Variants in BCOR observed in about 807,000 individuals in gnomAD.
The protein encoded by BCOR is BCL6 corepressor.
A neutral mutation model predicts 86.7 loss-of-function variants in BCOR; 10 were observed. The observed-to-expected ratio is 0.12, with a 90% CI of 0.07 to 0.20. BCOR has a LOEUF of 0.20. Among genes scored for constraint, BCOR ranks in the 10% least tolerant of loss-of-function variants. BCOR has a pLI of 1.00. For missense variants in BCOR, 1,259 were observed against 1,452.1 expected, an observed-to-expected ratio of 0.87 and a Z score of 2.16; for synonymous variants, 611 against 609.0, an observed-to-expected ratio of 1.00 and a Z score of -0.05.
intron 1 of BCOR, among the ~76,000 whole-genome samples, chrX:40,078,608 G>A (rs1935927894): frequency 2.7e-5 from 3 of 112,369 alleles, no homozygotes. Context: ...CAGCTAACCC[G>A]GGTGGTTTTG....
intron 1 of BCOR, among the ~76,000 whole-genome samples, chrX:40,106,973 G>T (rs748918524): frequency 4.5e-4 from 50 of 110,958 alleles, no homozygotes; most frequent in Non-Finnish European, 8.1e-4. Flanking sequence ...CAGGGGTGAA[G>T]AACTCAGAGT....
Position 40,073,458 on chromosome X carries a change from C to G in BCOR, c.1888G>C (p.Glu630Gln), listed in dbSNP as rs1478213270. Residue 630 changes from glutamate to glutamine, a missense_variant, in exon 4 of 15, where the codon GAG (glutamate) becomes CAG (glutamine). Around this residue, in one of 7 missense-constraint regions of BCOR, gnomAD observed 534 missense variants for 594.8 expected, o/e 0.90. Coordinates refer to ENST00000378444, the MANE Select transcript of BCOR (RefSeq NM_001123385.2). ...ATAGAGCTTGGTGGAAGGCCGTTCTCGTTTGCTTTGAAACTCGGTTCTGGG... is the reference window on the plus strand; with the variant it reads ...ATAGAGCTTGGTGGAAGGCCGTTCTGGTTTGCTTTGAAACTCGGTTCTGGG... Reference protein sequence around the residue: ...SNPEPSFKANENGLPPSSIFL... With the variant: ...SNPEPSFKANQNGLPPSSIFL... The G allele has an allele frequency of 8.2e-7, 1 of 1,212,322 alleles. No individual in the cohort carries two copies.
At chrX:40,095,012 C>T (rs751863676) in intron 1 of BCOR, among the ~76,000 whole-genome samples, 1 of 112,686 alleles carries the variant, frequency 8.9e-6, no homozygotes, top group Admixed American at 9.2e-5. Flanking sequence ...CGCGACTTGC[C>T]GGCCGGGCGC....
At chrX:40,081,188 C>T (rs1225576782) in intron 1 of BCOR, among the ~76,000 whole-genome samples, 1 of 111,421 alleles carries the variant, frequency 9.0e-6, no homozygotes, top group Non-Finnish European at 1.9e-5. Context: ...GGCCCTGGCT[C>T]ACAGGAGGCC....
intron 1 of BCOR, among the ~76,000 whole-genome samples, chrX:40,080,967 GCA>G (rs1397113506): frequency 2.0e-5 from 1 of 48,940 alleles, no homozygotes; most frequent in Non-Finnish European, 3.7e-5. Flanking sequence ...GTGCACGCAC[GCA>G]CACGCGCACA....
chrX:40,158,269 C>A (rs1314160340), intron 1 of BCOR, among the ~76,000 whole-genome samples: 1 of 112,505 alleles, frequency 8.9e-6, no homozygotes, highest in African/African-American at 3.2e-5. Flanking sequence ...ACAGCGCGCG[C>A]CCCGGCTGAC....
At chrX:40,143,784 G>A (rs887125780) in intron 1 of BCOR, among the ~76,000 whole-genome samples, 279 of 112,418 alleles carry the variant, frequency 2.5e-3, no homozygotes, top group Non-Finnish European at 4.0e-3. Flanking sequence ...GTGAAACCCC[G>A]TCTCTACTAA....
At chrX:40,071,765 T>C in intron 4 of BCOR, 75 bp from the exon 5 acceptor site, 1 of 730,206 alleles carries the variant, frequency 1.4e-6, no homozygotes, top group Admixed American at 2.4e-5. Context: ...AACCAATTTT[T>C]TTCTTAACAT....
intron 1 of BCOR, among the ~76,000 whole-genome samples, chrX:40,166,610 G>A (rs1463578884): frequency 1.8e-5 from 2 of 112,366 alleles, no homozygotes; most frequent in Non-Finnish European, 3.8e-5. Flanking sequence ...CCTGACTGCA[G>A]CCCCAGGCTG....
At chrX:40,131,653 G>A (rs781601973) in intron 1 of BCOR, among the ~76,000 whole-genome samples, 2 of 90,724 alleles carry the variant, frequency 2.2e-5, no homozygotes, top group Admixed American at 2.2e-4. Flanking sequence ...GTCAGTAAAA[G>A]AGAAGAGAAG....
chrX:40,172,816 C>T (rs186869347), intron 1 of BCOR, among the ~76,000 whole-genome samples: 15 of 112,853 alleles, frequency 1.3e-4, no homozygotes, highest in Non-Finnish European at 2.3e-4. Context: ...TAGCCGCCCC[C>T]GCAGGCGGAC....
intron 1 of BCOR, among the ~76,000 whole-genome samples, chrX:40,130,843 T>C (rs887844000): frequency 9.0e-6 from 1 of 111,392 alleles, no homozygotes; most frequent in Non-Finnish European, 1.9e-5. Context: ...TCCTACCCAC[T>C]CTGGCAGCCC....
At chrX:40,064,205 C>A (rs1312841740) in intron 7 of BCOR, 131 bp downstream of exon 7, 3 of 999,886 alleles carry the variant, frequency 3.0e-6, no homozygotes, top group Non-Finnish European at 2.8e-6. Context: ...CACTGCTGCG[C>A]CCCCACGGCT....
rs141974456 is a variant in BCOR, at chrX:40,060,553, T to C, written c.4428+1586A>G. The stretch of plus-strand genomic sequence containing the variant: ...CCAGGCCAGGAGCCCTACCCCGCTA[T>C]GGCCGGCAAGTTTGCTGCCCTGGAG... On this transcript the variant is annotated intron_variant, in intron 10 of 14. Transcript: ENST00000378444. Among the ~76,000 whole-genome samples the C allele has an allele frequency of 5.8e-3, 646 of 112,343 alleles. 2 individuals are homozygous for C. Among genetic ancestry groups the C allele is most frequent in the African/African-American group, 0.02 (619 of 30,937 alleles).
chrX:40,111,697 G>A (rs192078208), intron 1 of BCOR, among the ~76,000 whole-genome samples: 1 of 112,066 alleles, frequency 8.9e-6, no homozygotes, highest in African/African-American at 3.2e-5. Context: ...AAAATAGGGG[G>A]GAATATAGAC....
At chrX:40,077,725 T>C (rs1234574274) in intron 2 of BCOR, 119 bp downstream of exon 2, 1 of 623,136 alleles carries the variant, frequency 1.6e-6, no homozygotes, top group Non-Finnish European at 2.6e-6. Flanking sequence ...AGCGGCCTAC[T>C]AGGCGGGAAG....
intron 1 of BCOR, among the ~76,000 whole-genome samples, chrX:40,107,612 C>G (rs1937215676): frequency 8.8e-6 from 1 of 113,511 alleles, no homozygotes; most frequent in African/African-American, 3.2e-5. Flanking sequence ...TCGCTTCGCT[C>G]CTTCCCTAAT....
chrX:40,072,513 C>T lies in BCOR; in HGVS notation c.2833G>A (p.Asp945Asn), dbSNP rs1355747872. 2.5e-6 allele frequency: 3 copies of T among 1,210,574 alleles called. No individual in the cohort carries two copies. Among genetic ancestry groups the T allele is most frequent in the Non-Finnish European group, 3.4e-6 (3 of 895,360 alleles). ...TTGCCATCATTTGATTCAGCCTCAT[C>T]AGCTCCATCTTTGGTATAGGTGGGG... Reference protein sequence around the residue: ...VTPTYTKDGADEAESNDGKVL... With the variant: ...VTPTYTKDGANEAESNDGKVL... The change falls in exon 4 of 15, where the codon GAT becomes AAT. Residue 945 changes from aspartate to asparagine, a missense_variant. This residue lies in a region of BCOR where 534 missense variants were observed against 594.8 expected (regional missense o/e 0.90). Transcript: ENST00000378444.
intron 10 of BCOR, among the ~76,000 whole-genome samples, chrX:40,058,960 T>A (rs866515504): frequency 8.9e-6 from 1 of 111,868 alleles, no homozygotes; most frequent in Non-Finnish European, 1.9e-5. Context: ...AGGGATCAGC[T>A]CTAAGCGCCA....
Sources: allele counts gnomAD v4.1 joint callset (sites outside exome capture counted in the v4.1 genomes callset), GRCh38; gene constraint gnomAD v4.1.1; regional missense constraint gnomAD v4.1.1; transcripts MANE v1.5; gene names NCBI Gene and HGNC (gene_info 2026-07-23, HGNC 2026-07-21).